Variants in ABCB1 observed in about 807,000 individuals in gnomAD.
ABCB1 encodes ATP-dependent translocase ABCB1.
In ABCB1, 69 loss-of-function variants were observed where a neutral mutation model predicts 142.0. The ratio of observed to expected loss-of-function variants is 0.49; its 90% CI spans 0.40 to 0.59. The LOEUF is 0.59. Ranked by LOEUF, ABCB1 falls within the 20% of genes least tolerant of loss-of-function variation. The pLI is 0.00. For missense variants in ABCB1, 1,326 were observed against 1,554.7 expected, an observed-to-expected ratio of 0.85 and a Z score of 2.47; for synonymous variants, 532 against 539.2, an observed-to-expected ratio of 0.99 and a Z score of 0.18.
At position 87,568,897 on chromosome 7, in the gene ABCB1, A is replaced by G. The variant is rs538768973; in HGVS notation, c.338+1275T>C. On this transcript the variant is annotated intron_variant, in intron 5 of 27. Transcript: ENST00000622132. ...TTGAGAATAAGTTAATGTATTTTAA[A>G]CTGTCAGTGTATGTTTACTCAAAAG... is the stretch of plus-strand genomic sequence containing the variant. Among the ~76,000 whole-genome samples the G allele has an allele frequency of 5.3e-5, 8 of 152,326 alleles. No homozygotes were observed. In the South Asian group the frequency reaches 1.5e-3, roughly 28 times the overall value.
At chr7:87,713,107 C>T (rs1241060919) in intron 1 of ABCB1, 1 of 152,068 alleles carries the variant, frequency 6.6e-6, no homozygotes, top group Non-Finnish European at 1.5e-5. Context: ...CAAATATATT[C>T]ATAAGATTAG....
intron 17 of ABCB1, 106 bp downstream of exon 17, chr7:87,544,023 C>T (rs1816658856): frequency 5.9e-6 from 8 of 1,348,098 alleles, no homozygotes; most frequent in Middle Eastern, 1.8e-4. Context: ...TATGGAGATA[C>T]GTGGATTTTG....
At chr7:87,609,448 C>A (rs1819774724) in intron 1 of ABCB1, among the ~76,000 whole-genome samples, 1 of 152,014 alleles carries the variant, frequency 6.6e-6, no homozygotes, top group South Asian at 2.1e-4. Context: ...TCTGAAATGC[C>A]AAAGAACTTG....
chr7:87,582,334 A>G (rs1157892687), intron 4 of ABCB1, among the ~76,000 whole-genome samples: 1 of 152,166 alleles, frequency 6.6e-6, no homozygotes, highest in African/African-American at 2.4e-5. Flanking sequence ...TGATTCCTCT[A>G]TATGGAGTCA....
intron 3 of ABCB1, among the ~76,000 whole-genome samples, chr7:87,587,874 C>CA (rs35238388): frequency 0.054 from 4,393 of 81,760 alleles, 218 homozygotes; most frequent in East Asian, 0.13. Context: ...GACTCTGTCT[C>CA]AAAAAAAAAA....
chr7:87,652,646 A>ATATATATATATATATATATATATG (rs1563105075), intron 1 of ABCB1, among the ~76,000 whole-genome samples: 1 of 147,192 alleles, frequency 6.8e-6, no homozygotes, highest in African/African-American at 2.5e-5. Flanking sequence ...ATATATATAT[A>ATATATATATATATATATATATATG]GTAGGAAGTA....
intron 4 of ABCB1, among the ~76,000 whole-genome samples, chr7:87,575,495 AC>A (rs1359366441): frequency 6.6e-6 from 1 of 151,904 alleles, no homozygotes; most frequent in Non-Finnish European, 1.5e-5. Flanking sequence ...AACACTGCTG[AC>A]CTATTTAGCA....
chr7:87,557,771 A>G (rs1817366810), intron 8 of ABCB1, among the ~76,000 whole-genome samples: 1 of 152,226 alleles, frequency 6.6e-6, no homozygotes, highest in Non-Finnish European at 1.5e-5. Flanking sequence ...CTTCACTCCC[A>G]CAATGTCCAT....
intron 21 of ABCB1, among the ~76,000 whole-genome samples, chr7:87,524,973 A>C (rs1815720317): frequency 6.6e-6 from 1 of 152,134 alleles, no homozygotes; most frequent in Non-Finnish European, 1.5e-5. Context: ...TGGTTTGTAA[A>C]TGTCATTGCT....
At chr7:87,577,665 T>C (rs184946770) in intron 4 of ABCB1, among the ~76,000 whole-genome samples, 13 of 152,360 alleles carry the variant, frequency 8.5e-5, no homozygotes, top group Non-Finnish European at 1.6e-4. Flanking sequence ...CTTGCATTTC[T>C]CTGATGATCA....
Position 87,549,459 on chromosome 7 carries a change from C to T in ABCB1, c.1614G>A (p.Arg538=), listed in dbSNP as rs758194199. The change falls in exon 14 of 28, where the codon AGG becomes AGA. Residue 538 remains arginine, a synonymous_variant. Coordinates refer to ENST00000622132, the MANE Select transcript of ABCB1 (RefSeq NM_001348946.2). ...GAACCAGGGCACGTGCAATGGCGAT[C>T]CTCTGCTTCTGCCCACCACTCAACT... The part of the protein sequence containing the change: ...GAQLSGGQKQ[R]IAIARALVRN... 3.1e-6 allele frequency: 5 copies of T among 1,614,184 alleles called. No homozygotes were observed. Among genetic ancestry groups the T allele is most frequent in the Admixed American group, 1.7e-5 (1 of 60,012 alleles).
At position 87,546,035 on chromosome 7, in the gene ABCB1, A is replaced by C. The variant is rs371438446; in HGVS notation, c.1726-11T>G. 3.1e-5 allele frequency: 50 copies of C among 1,613,958 alleles called. No homozygotes were observed. Among genetic ancestry groups the C allele is most frequent in the Non-Finnish European group, 4.0e-5 (47 of 1,179,970 alleles). On this transcript the variant is annotated splice_polypyrimidine_tract_variant and intron_variant, in intron 14 of 27. Coordinates refer to ENST00000622132, the MANE Select transcript of ABCB1 (RefSeq NM_001348946.2). ...CCGACCTTTTCTGGCCTAAAGAGAGAGAAATTTGGTTTTTGAATACATTAA... is the reference window on the plus strand; with the variant it reads ...CCGACCTTTTCTGGCCTAAAGAGAGCGAAATTTGGTTTTTGAATACATTAA...
chr7:87,687,839 C>T (rs1827619248), intron 1 of ABCB1, among the ~76,000 whole-genome samples: 1 of 152,122 alleles, frequency 6.6e-6, no homozygotes, highest in Non-Finnish European at 1.5e-5. Flanking sequence ...CAGTTACCTC[C>T]CCATGAGGCC....
At chr7:87,548,291 T>G (rs1401559814) in intron 14 of ABCB1, among the ~76,000 whole-genome samples, 1 of 97,618 alleles carries the variant, frequency 1.0e-5, no homozygotes, top group African/African-American at 4.2e-5. Context: ...GAAGGGAAGG[T>G]CAGGAAAGGA....
intron 7 of ABCB1, among the ~76,000 whole-genome samples, chr7:87,565,245 T>C (rs563625618): frequency 5.5e-4 from 84 of 152,234 alleles, no homozygotes; most frequent in Non-Finnish European, 3.4e-4. Context: ...GTTTTGGTTG[T>C]CCATTCATTA....
At chr7:87,701,545 G>A (rs1033165503) in intron 1 of ABCB1, among the ~76,000 whole-genome samples, 1 of 152,190 alleles carries the variant, frequency 6.6e-6, no homozygotes, top group Non-Finnish European at 1.5e-5. Context: ...ACAAAATCAT[G>A]TATGGGTAAA....
At chr7:87,688,156 A>G (rs1453571566) in intron 1 of ABCB1, among the ~76,000 whole-genome samples, 1 of 152,114 alleles carries the variant, frequency 6.6e-6, no homozygotes, top group Non-Finnish European at 1.5e-5. Flanking sequence ...AAATTCAGGA[A>G]AGGTGAAGCA....
At chr7:87,558,666 T>C (rs558060722) in intron 8 of ABCB1, among the ~76,000 whole-genome samples, 2 of 152,130 alleles carry the variant, frequency 1.3e-5, no homozygotes, top group African/African-American at 4.8e-5. Context: ...ATAGTATGTA[T>C]TTATTTCATT....
intron 1 of ABCB1, among the ~76,000 whole-genome samples, chr7:87,660,063 T>C (rs1000056048): frequency 2.0e-5 from 3 of 151,970 alleles, no homozygotes; most frequent in Non-Finnish European, 4.4e-5. Flanking sequence ...AAAATTAGTC[T>C]GTTTTGTGCT....
Sources: allele counts gnomAD v4.1 joint callset (sites outside exome capture counted in the v4.1 genomes callset), GRCh38; gene constraint gnomAD v4.1.1; transcripts MANE v1.5; gene names NCBI Gene and HGNC (gene_info 2026-07-23, HGNC 2026-07-21).